CNTN6: variants seen among roughly 807,000 people sequenced by gnomAD.
CNTN6 encodes the protein contactin-6.
In CNTN6, 137 loss-of-function variants were observed where a neutral mutation model predicts 122.8. That is an observed-to-expected ratio of 1.12 (90% CI 0.97 to 1.29). The LOEUF (loss-of-function observed/expected upper bound fraction) is 1.29. Ranked by LOEUF, CNTN6 falls within the 50% of genes most tolerant of loss-of-function variation. The pLI is 0.00. For missense variants in CNTN6, 1,634 were observed against 1,223.4 expected, an observed-to-expected ratio of 1.34 and a Z score of -5.01; for synonymous variants, 570 against 426.0, an observed-to-expected ratio of 1.34 and a Z score of -4.16.
intron 12 of CNTN6, among the ~76,000 whole-genome samples, chr3:1,355,915 A>T (rs978012886): frequency 6.6e-6 from 1 of 151,942 alleles, no homozygotes; most frequent in South Asian, 2.1e-4. Context: ...TCTGCACTGT[A>T]TGTTGGAAAT....
intron 4 of CNTN6, among the ~76,000 whole-genome samples, chr3:1,228,586 A>G (rs1390841133): frequency 6.6e-6 from 1 of 152,212 alleles, no homozygotes; most frequent in East Asian, 1.9e-4. Flanking sequence ...CTTTATATAT[A>G]GTGTTTCCAG....
At chr3:1,205,772 C>A (rs1046621262) in intron 2 of CNTN6, among the ~76,000 whole-genome samples, 3 of 152,128 alleles carry the variant, frequency 2.0e-5, no homozygotes, top group African/African-American at 7.2e-5. Flanking sequence ...AAGTACCACA[C>A]ATGTGTAGGT....
At chr3:1,206,554 A>G (rs1229599663) in intron 2 of CNTN6, among the ~76,000 whole-genome samples, 1 of 152,132 alleles carries the variant, frequency 6.6e-6, no homozygotes, top group Non-Finnish European at 1.5e-5. Context: ...AATATAATGT[A>G]GTATCCCATC....
At chr3:1,400,482 G>A (rs529768670) in intron 20 of CNTN6, among the ~76,000 whole-genome samples, 7 of 143,000 alleles carry the variant, frequency 4.9e-5, no homozygotes, top group South Asian at 2.2e-4. Context: ...CATCTCTCAC[G>A]CAGACAACAT....
intron 1 of CNTN6, among the ~76,000 whole-genome samples, chr3:1,123,557 G>T (rs971004173): frequency 6.6e-6 from 1 of 151,656 alleles, no homozygotes; most frequent in African/African-American, 2.4e-5. Context: ...CTACAACTTT[G>T]CTGAATTTGT....
At chr3:1,237,308 G>A (rs2094434443) in intron 4 of CNTN6, among the ~76,000 whole-genome samples, 1 of 151,654 alleles carries the variant, frequency 6.6e-6, no homozygotes, top group African/African-American at 2.4e-5. Context: ...TCTAAGACAA[G>A]GCTTTCAAAT....
At chr3:1,119,874 T>G (rs1401596793) in intron 1 of CNTN6, among the ~76,000 whole-genome samples, 1 of 152,040 alleles carries the variant, frequency 6.6e-6, no homozygotes, top group Non-Finnish European at 1.5e-5. Context: ...CTTTCACACT[T>G]TTTTGAAGTC....
chr3:1,401,591 G>A, intron 21 of CNTN6, 46 bp downstream of exon 21: 2 of 1,326,514 alleles, frequency 1.5e-6, no homozygotes, highest in South Asian at 1.3e-5. Context: ...AAGTTACTAA[G>A]GAATGAAACA....
chr3:1,380,805 G>C (rs927538102), intron 17 of CNTN6, among the ~76,000 whole-genome samples: 1 of 152,130 alleles, frequency 6.6e-6, no homozygotes, highest in African/African-American at 2.4e-5. Context: ...CTGATTCTTA[G>C]TCTGTACTAA....
At chr3:1,350,546 A>C (rs1468286742) in intron 11 of CNTN6, among the ~76,000 whole-genome samples, 1 of 151,904 alleles carries the variant, frequency 6.6e-6, no homozygotes, top group Non-Finnish European at 1.5e-5. Flanking sequence ...ATCAGCCTCA[A>C]TGATGGCAAT....
At chr3:1,393,803 AAGAG>A (rs376824333) in intron 20 of CNTN6, among the ~76,000 whole-genome samples, 1 of 152,142 alleles carries the variant, frequency 6.6e-6, no homozygotes, top group African/African-American at 2.4e-5. Context: ...TTACCTCAGG[AAGAG>A]AGAGATATAT....
intron 17 of CNTN6, among the ~76,000 whole-genome samples, chr3:1,380,114 C>A (rs533390669): frequency 9.2e-5 from 14 of 152,170 alleles, no homozygotes; most frequent in Non-Finnish European, 1.6e-4. Flanking sequence ...AGTAGAGAGG[C>A]CACCCCAGGT....
chr3:1,103,747 G>A (rs540422539), intron 1 of CNTN6, among the ~76,000 whole-genome samples: 2 of 152,084 alleles, frequency 1.3e-5, no homozygotes, highest in African/African-American at 4.8e-5. Flanking sequence ...TACTTATGAG[G>A]CAAAAGTCAT....
intron 2 of CNTN6, among the ~76,000 whole-genome samples, chr3:1,158,589 A>T (rs56030132): frequency 6.7e-6 from 1 of 149,746 alleles, no homozygotes; most frequent in Admixed American, 6.7e-5. Context: ...TTTTTTTGGC[A>T]GCGGGCAGGA....
chr3:1,179,422 C>T (rs1051905885), intron 2 of CNTN6, among the ~76,000 whole-genome samples: 1 of 152,054 alleles, frequency 6.6e-6, no homozygotes, highest in Non-Finnish European at 1.5e-5. Flanking sequence ...AGCCCGGGAG[C>T]GTGGTGGTAA....
chr3:1,294,798 C>G (rs1437705424), intron 5 of CNTN6, among the ~76,000 whole-genome samples: 2 of 152,170 alleles, frequency 1.3e-5, no homozygotes, highest in Admixed American at 1.3e-4. Context: ...GGCTCCTTCT[C>G]TGGGCTCCCT....
intron 2 of CNTN6, among the ~76,000 whole-genome samples, chr3:1,208,358 C>G (rs1399368552): frequency 6.9e-6 from 1 of 145,704 alleles, no homozygotes; most frequent in Non-Finnish European, 1.5e-5. Context: ...ATTTTCATAT[C>G]TTTATTCAAG....
chr3:1,208,312 C>T (rs1417681688), intron 2 of CNTN6, among the ~76,000 whole-genome samples: 1 of 152,078 alleles, frequency 6.6e-6, no homozygotes, highest in Non-Finnish European at 1.5e-5. Context: ...GACTCTCCTA[C>T]CTTCCAGACT....
intron 5 of CNTN6, among the ~76,000 whole-genome samples, chr3:1,283,098 G>A (rs1693750171): frequency 6.6e-6 from 1 of 151,980 alleles, no homozygotes; most frequent in Non-Finnish European, 1.5e-5. Context: ...TCAGCCTCCT[G>A]TGTAGCTGGG....
Sources: allele counts gnomAD v4.1 joint callset (sites outside exome capture counted in the v4.1 genomes callset), GRCh38; gene constraint gnomAD v4.1.1; transcripts MANE v1.5; gene names NCBI Gene and HGNC (gene_info 2026-07-23, HGNC 2026-07-21).